Variants in KAZN observed in about 807,000 individuals in gnomAD.
KAZN encodes the protein kazrin, periplakin interacting protein, also known as kazrin.
In KAZN, 40 loss-of-function variants were observed where a neutral mutation model predicts 87.4. The ratio of observed to expected loss-of-function variants is 0.46; its 90% CI spans 0.36 to 0.60. The LOEUF (loss-of-function observed/expected upper bound fraction) is 0.60, where lower values mean the gene tolerates loss of function less well. Among genes scored for constraint, KAZN ranks in the 20% least tolerant of loss-of-function variants. KAZN has a pLI of 0.00. For missense variants in KAZN, 898 were observed against 1,073.9 expected (o/e 0.84, Z 2.29); for synonymous variants, 466 against 458.3 (o/e 1.02, Z -0.22).
rs906734446 is a variant in KAZN at position 14,366,483 on chromosome 1, G to A, written c.249+185891G>A. Among the ~76,000 whole-genome samples, 47 of 152,344 alleles carry A rather than the reference G, an allele frequency of 3.1e-4. 1 individual carries two copies. Among genetic ancestry groups the A allele is most frequent in the Admixed American group, 1.7e-3 (26 of 15,310 alleles). ...TATCTTTCCTAAGCCCTTCACTGGC[G>A]GGAACTGGAGGGCGGGCACTGGAGC... is the stretch of plus-strand genomic sequence containing the variant. On this transcript the variant is annotated intron_variant, in intron 2 of 16. Coordinates refer to the KAZN transcript ENST00000636203.
At chr1:14,340,724 C>T (rs897044908) in intron 2 of KAZN, among the ~76,000 whole-genome samples, 1 of 152,102 alleles carries the variant, frequency 6.6e-6, no homozygotes, top group African/African-American at 2.4e-5. Context: ...GCCAGTTTTG[C>T]CTTCATTTGC....
chr1:14,380,774 G>A (rs1478641219), intron 2 of KAZN, among the ~76,000 whole-genome samples: 2 of 151,674 alleles, frequency 1.3e-5, no homozygotes, highest in Admixed American at 6.6e-5. Context: ...CCCTAAAGAG[G>A]AGATAGAGAA....
chr1:13,964,253 G>A (rs1641861419), intron 1 of KAZN, among the ~76,000 whole-genome samples: 1 of 152,188 alleles, frequency 6.6e-6, no homozygotes, highest in African/African-American at 2.4e-5. Flanking sequence ...ATAAACAATG[G>A]TGTTTAACAA....
chr1:14,420,096 CAG>C (rs1032036063), intron 2 of KAZN, among the ~76,000 whole-genome samples: 9 of 152,198 alleles, frequency 5.9e-5, no homozygotes, highest in African/African-American at 2.2e-4. Context: ...TCCGTTTTGA[CAG>C]GGTGCTGATT....
chr1:15,003,433 A>G (rs1668700583), intron 2 of KAZN, among the ~76,000 whole-genome samples: 2 of 152,214 alleles, frequency 1.3e-5, no homozygotes, highest in Non-Finnish European at 2.9e-5. Context: ...GGGTGTCTAC[A>G]TACGTCAAAG....
At chr1:14,310,278 C>G (rs1655193383) in intron 2 of KAZN, among the ~76,000 whole-genome samples, 1 of 152,090 alleles carries the variant, frequency 6.6e-6, no homozygotes, top group African/African-American at 2.4e-5. Context: ...GTGGAAGATA[C>G]GGTTGGAGCC....
intron 1 of KAZN, among the ~76,000 whole-genome samples, chr1:14,916,062 G>A (rs1035717265): frequency 6.6e-6 from 1 of 152,042 alleles, no homozygotes; most frequent in Non-Finnish European, 1.5e-5. Context: ...TGGGTTGTGG[G>A]GAGGATTAAA....
Position 14,720,614 on chromosome 1 carries a change from T to C in KAZN, c.226+121391T>C, listed in dbSNP as rs77400807. On this transcript the variant is annotated intron_variant, in intron 1 of 14. Coordinates refer to ENST00000376030, the MANE Select transcript of KAZN (RefSeq NM_201628.3). ...ATATTTTTCTTTGCTTAACTTTCTG[T>C]GCAATCTTCTTTTCCATTTCCCATC... Among the ~76,000 whole-genome samples the C allele has an allele frequency of 4.7e-3, 716 of 152,364 alleles. 3 individuals are homozygous for C. Among genetic ancestry groups the C allele is most frequent in the African/African-American group, 0.016 (667 of 41,592 alleles).
rs1290408085 is a variant in KAZN at position 14,949,768 on chromosome 1, C to T, written c.227-10916C>T. ...TGTGACTGTCACCCTTCCAGGACAG[C>T]GACATGGTTGCTGCCCAGCCTGTGT... On this transcript the variant is annotated intron_variant, in intron 1 of 14. Coordinates refer to ENST00000376030, the MANE Select transcript of KAZN (RefSeq NM_201628.3). The surrounding 1 kb of genome is among the most constrained non-coding windows in gnomAD (Gnocchi z 4.3). Among the ~76,000 whole-genome samples the T allele has an allele frequency of 2.0e-5, 3 of 152,028 alleles. No homozygotes were observed. Among genetic ancestry groups the T allele is most frequent in the East Asian group, 3.9e-4 (2 of 5,178 alleles).
At chr1:14,571,264 G>A (rs1303054257) in intron 2 of KAZN, among the ~76,000 whole-genome samples, 2 of 150,884 alleles carry the variant, frequency 1.3e-5, no homozygotes, top group Non-Finnish European at 2.9e-5. Context: ...CTACTATTGA[G>A]GAATAAAATT....
chr1:14,729,101 G>A (rs7533649), intron 1 of KAZN, among the ~76,000 whole-genome samples: 6,387 of 152,162 alleles, frequency 0.042, 438 homozygotes, highest in African/African-American at 0.15. Flanking sequence ...CTCCTGCCTC[G>A]AATGTGCTCC....
chr1:14,378,572 C>T (rs1661102379), intron 2 of KAZN, among the ~76,000 whole-genome samples: 1 of 152,200 alleles, frequency 6.6e-6, no homozygotes, highest in Admixed American at 6.5e-5. Context: ...GAATCTGAGT[C>T]CTTATGAGAG....
chr1:14,696,045 C>T (rs1641585924), intron 1 of KAZN, among the ~76,000 whole-genome samples: 1 of 152,146 alleles, frequency 6.6e-6, no homozygotes, highest in African/African-American at 2.4e-5. Context: ...ATTTTGTATG[C>T]AGAGTATTTT....
chr1:14,101,613 G>C (rs1005706334), intron 1 of KAZN, among the ~76,000 whole-genome samples: 1 of 152,148 alleles, frequency 6.6e-6, no homozygotes, highest in African/African-American at 2.4e-5. Flanking sequence ...GGACATTTGT[G>C]TTGTCTAAGT....
At chr1:14,478,062 C>T (rs114283248) in intron 2 of KAZN, among the ~76,000 whole-genome samples, 1 of 152,198 alleles carries the variant, frequency 6.6e-6, no homozygotes, top group African/African-American at 2.4e-5. Flanking sequence ...CACTCCCACC[C>T]TCATTCTCAC....
intron 2 of KAZN, among the ~76,000 whole-genome samples, chr1:14,182,144 C>T (rs1646211638): frequency 1.3e-5 from 2 of 151,986 alleles, no homozygotes; most frequent in South Asian, 2.1e-4. Flanking sequence ...GTGTAGTCAT[C>T]GTGTAGGAAT....
intron 1 of KAZN, among the ~76,000 whole-genome samples, chr1:14,952,700 G>A (rs7528855): frequency 0.068 from 10,394 of 152,124 alleles, 1,181 homozygotes; most frequent in African/African-American, 0.24. Flanking sequence ...AGACTTGATG[G>A]CTCAGCCTTC....
chr1:14,092,720 G>A (rs770359349), intron 1 of KAZN, among the ~76,000 whole-genome samples: 1 of 151,762 alleles, frequency 6.6e-6, no homozygotes, highest in Admixed American at 6.6e-5. Flanking sequence ...TGCAGAAAAC[G>A]TACCTTTATT....
chr1:15,025,732 C>CA (rs1448639920), intron 2 of KAZN, among the ~76,000 whole-genome samples: 2 of 152,064 alleles, frequency 1.3e-5, no homozygotes, highest in African/African-American at 2.4e-5. Flanking sequence ...GCCTGAGCGA[C>CA]AAAGTTCTGG....
Sources: allele counts gnomAD v4.1 joint callset (sites outside exome capture counted in the v4.1 genomes callset), GRCh38; gene constraint gnomAD v4.1.1; non-coding constraint Gnocchi (gnomAD v3.1); transcripts MANE v1.5; gene names NCBI Gene and HGNC (gene_info 2026-07-23, HGNC 2026-07-21).